GADL1: variants seen among roughly 807,000 people sequenced by gnomAD.
GADL1 encodes acidic amino acid decarboxylase GADL1.
A neutral mutation model predicts 69.5 loss-of-function variants in GADL1; 71 were observed. That is an observed-to-expected ratio of 1.02 (90% CI 0.84 to 1.25). The LOEUF is 1.25. Among genes scored for constraint, GADL1 ranks in the 50% most tolerant of loss-of-function variants. The pLI, the probability that GADL1 is intolerant of heterozygous loss-of-function variation, is 0.00. For missense variants in GADL1, 737 were observed against 631.8 expected (o/e 1.17, Z -1.79); for synonymous variants, 254 against 214.4 (o/e 1.18, Z -1.62).
chr3:30,755,467 A>T (rs1283904647), intron 14 of GADL1, among the ~76,000 whole-genome samples: 1 of 152,246 alleles, frequency 6.6e-6, no homozygotes, highest in Non-Finnish European at 1.5e-5. Flanking sequence ...ACATCTAAAA[A>T]TATTACAGTA....
At chr3:30,744,491 A>G (rs1280264254) in intron 14 of GADL1, among the ~76,000 whole-genome samples, 2 of 152,152 alleles carry the variant, frequency 1.3e-5, no homozygotes, top group Non-Finnish European at 2.9e-5. Flanking sequence ...GGAGAGGGTC[A>G]TTTAAGACCA....
chr3:30,768,571 A>AG (rs1201011450), intron 14 of GADL1, among the ~76,000 whole-genome samples: 3 of 90,682 alleles, frequency 3.3e-5, no homozygotes, highest in African/African-American at 7.4e-5. Flanking sequence ...AGGGGTGGGG[A>AG]GGGGGAGGAG....
At position 30,857,069 on chromosome 3, in the gene GADL1, G is replaced by A. The variant is rs145794576; in HGVS notation, c.283C>T (p.Pro95Ser). The A allele has an allele frequency of 5.1e-4, 783 of 1,549,812 alleles. 4 individuals carry two copies. In the African/African-American group the frequency reaches 9.2e-3, roughly 18 times the overall value. Residue 95 changes from proline (P) to serine (S), a missense_variant, in exon 3 of 15, where the codon CCC becomes TCC. Pro to Ser is a moderately conservative substitution (Grantham distance 74, BLOSUM62 -1). Transcript: ENST00000282538. ...CGACAGAGTTCCAATAGTTTATGGG[G>A]TGGCTCGCCTGAGTCTCTCATCTCC... Reference protein sequence around the residue: ...DLEMRDSGEPPHKLLELCRDV... With the variant: ...DLEMRDSGEPSHKLLELCRDV...
chr3:30,885,941 T>G (rs9849112), intron 1 of GADL1, among the ~76,000 whole-genome samples: 308 of 152,028 alleles, frequency 2.0e-3, no homozygotes, highest in African/African-American at 7.1e-3. Context: ...TCTAAGCAAT[T>G]TAATGAATAT....
intron 14 of GADL1, among the ~76,000 whole-genome samples, chr3:30,749,990 A>C (rs1575183080): frequency 6.6e-6 from 1 of 152,284 alleles, no homozygotes; most frequent in East Asian, 1.9e-4. Context: ...TACTTTAGAC[A>C]AAGGTCAGAT....
chr3:30,760,975 A>AGAAATT (rs1553636353), intron 14 of GADL1, among the ~76,000 whole-genome samples: 1 of 150,436 alleles, frequency 6.6e-6, no homozygotes, highest in Non-Finnish European at 1.5e-5. Flanking sequence ...ATGGCTAATA[A>AGAAATT]ATATTTACCT....
At chr3:30,777,869 T>TA (rs1696572095) in intron 14 of GADL1, among the ~76,000 whole-genome samples, 1 of 142,326 alleles carries the variant, frequency 7.0e-6, no homozygotes, top group Non-Finnish European at 1.5e-5. Flanking sequence ...AGAGTTGAAA[T>TA]AAATAGTCAT....
intron 1 of GADL1, among the ~76,000 whole-genome samples, chr3:30,866,570 A>G (rs1479797206): frequency 6.6e-6 from 1 of 152,094 alleles, no homozygotes; most frequent in Non-Finnish European, 1.5e-5. Flanking sequence ...GACCAGGGTA[A>G]TAAACTCTAG....
Position 30,839,127 on chromosome 3 carries a change from CCA to C in GADL1, c.787-16_787-15del, listed in dbSNP as rs1278876616. The C allele has an allele frequency of 1.4e-6, 2 of 1,466,722 alleles. No homozygotes were observed. Among genetic ancestry groups the C allele is most frequent in the African/African-American group, 1.4e-5 (1 of 69,052 alleles). 90.9% of individuals were successfully genotyped at this position (1,466,722 alleles called of 1,614,324 possible). A position where few individuals can be genotyped will look rare whatever the true frequency, so the allele number is the denominator to read the frequency against. On this transcript the variant is annotated splice_polypyrimidine_tract_variant and intron_variant, in intron 8 of 14. Transcript: ENST00000282538. ...CGGTGCTGCCCCCTGTAAGAAGGATCCACACACACAAAATTATCACTGTCATC... is the reference window on the plus strand; with the variant it reads ...CGGTGCTGCCCCCTGTAAGAAGGATCCACACACAAAATTATCACTGTCATC...
At chr3:30,763,993 AAT>A (rs1402126669) in intron 14 of GADL1, among the ~76,000 whole-genome samples, 1 of 152,154 alleles carries the variant, frequency 6.6e-6, no homozygotes, top group Admixed American at 6.5e-5. Context: ...AAATACATAA[AAT>A]ATTTCTACTA....
At chr3:30,769,723 G>GC (rs2125491352) in intron 14 of GADL1, among the ~76,000 whole-genome samples, 1 of 152,292 alleles carries the variant, frequency 6.6e-6, no homozygotes, top group South Asian at 2.1e-4. Flanking sequence ...TGCCACATTT[G>GC]CCACAAGGTC....
chr3:30,786,001 T>A (rs577568409), intron 13 of GADL1, among the ~76,000 whole-genome samples: 19 of 152,280 alleles, frequency 1.2e-4, no homozygotes, highest in Non-Finnish European at 1.2e-4. Flanking sequence ...TACTGTACAT[T>A]CACTTAATTG....
intron 14 of GADL1, among the ~76,000 whole-genome samples, chr3:30,730,172 T>A (rs1238480904): frequency 6.6e-6 from 1 of 152,212 alleles, no homozygotes; most frequent in Non-Finnish European, 1.5e-5. Flanking sequence ...GAAGTAACTC[T>A]CTACTATGCT....
chr3:30,766,929 AAC>A (rs1279902409), intron 14 of GADL1, among the ~76,000 whole-genome samples: 35 of 152,312 alleles, frequency 2.3e-4, no homozygotes, highest in African/African-American at 8.4e-4. Context: ...TTGTTAAGCA[AAC>A]AAAAAGGCAT....
At position 30,881,070 on chromosome 3, in the gene GADL1, G is replaced by C. The variant is rs537906211; in HGVS notation, c.37+13508C>G. ...TCAATCACATTCCCAGTGCAGTTAAGTGAGTAGAAAGCTGTAATATTCCTT... is the reference window on the plus strand; with the variant it reads ...TCAATCACATTCCCAGTGCAGTTAACTGAGTAGAAAGCTGTAATATTCCTT... On this transcript the variant is annotated intron_variant, in intron 1 of 14. Coordinates refer to ENST00000282538, the MANE Select transcript of GADL1 (RefSeq NM_207359.3). Among the ~76,000 whole-genome samples the C allele has an allele frequency of 5.3e-5, 8 of 152,018 alleles. No individual in the cohort carries two copies. The South Asian group carries it at 1.7e-3, about 31-fold the overall frequency.
chr3:30,765,806 T>C (rs954720379), intron 14 of GADL1, among the ~76,000 whole-genome samples: 1 of 152,262 alleles, frequency 6.6e-6, no homozygotes, highest in African/African-American at 2.4e-5. Flanking sequence ...GGAATTGTAA[T>C]GCATCATCCC....
rs759593970 is a variant in GADL1, at chr3:30,834,271, C to T, written c.914G>A (p.Gly305Asp). 18 of 1,612,124 alleles carry T rather than the reference C, an allele frequency of 1.1e-5. No individual in the cohort carries two copies. Among genetic ancestry groups the T allele is most frequent in the Non-Finnish European group, 8.5e-7 (1 of 1,178,678 alleles). Reference sequence around the variant, plus strand: ...CTTCCTCGACATCAAAGCTGAGCCACCCCAAGAAGCCTGTTGAGATATTTA... The same window carrying T: ...CTTCCTCGACATCAAAGCTGAGCCATCCCAAGAAGCCTGTTGAGATATTTA... ...SLWLHVDASW[G>D]GSALMSRKHR... Residue 305 changes from glycine (G) to aspartate (D), a missense_variant, in exon 10 of 15, where the codon GGT becomes GAT. Physicochemically the swap from Gly to Asp is moderately conservative, Grantham distance 94. Transcript: ENST00000282538.
At chr3:30,891,222 T>A (rs764773479) in intron 1 of GADL1, among the ~76,000 whole-genome samples, 2 of 152,030 alleles carry the variant, frequency 1.3e-5, no homozygotes, top group Admixed American at 6.6e-5. Flanking sequence ...GATGCTGCCC[T>A]TTTCCCTCAG....
In GADL1 at chr3:30,852,643, TA is replaced by T. The variant is rs11409920; in HGVS notation, c.429-1703del. 8.9e-3 allele frequency among the ~76,000 whole-genome samples: 1,304 copies of T among 146,718 alleles called. 14 individuals are homozygous for T. Among genetic ancestry groups the T allele is most frequent in the African/African-American group, 0.028 (1,108 of 40,100 alleles). ...ATATATAAAATAGTTACTTTCATAA[TA>T]AAAAAAAAAAGTATTTAGCCTGTCT... On this transcript the variant is annotated intron_variant, in intron 4 of 14. Coordinates refer to ENST00000282538, the MANE Select transcript of GADL1 (RefSeq NM_207359.3).
Sources: gnomAD v4.1 joint callset for allele counts (sites outside exome capture counted in the v4.1 genomes callset) on GRCh38, gnomAD v4.1.1 for gene constraint, MANE v1.5 for transcripts, NCBI Gene and HGNC (gene_info 2026-07-23, HGNC 2026-07-21) for gene names.